Variants in TPST1 observed in about 807,000 individuals in gnomAD.
The protein encoded by TPST1 is tyrosylprotein sulfotransferase 1.
Under a neutral mutation model 34.8 loss-of-function variants are expected in TPST1, and 20 were observed. The observed-to-expected ratio is 0.57, with a 90% CI of 0.40 to 0.84. The LOEUF (loss-of-function observed/expected upper bound fraction) is 0.84. Among genes scored for constraint, TPST1 ranks in the 40% least tolerant of loss-of-function variants. The pLI, the probability that TPST1 is intolerant of heterozygous loss-of-function variation, is 0.00. For missense variants in TPST1, 353 were observed against 455.5 expected (o/e 0.78, Z 2.05); for synonymous variants, 152 against 159.4 (o/e 0.95, Z 0.35).
chr7:66,319,838 C>T (rs1271545425), intron 3 of TPST1, among the ~76,000 whole-genome samples: 2 of 152,302 alleles, frequency 1.3e-5, no homozygotes, highest in Admixed American at 1.3e-4. Flanking sequence ...CAGTAGCTTT[C>T]TGTTTTCCCA....
upstream of TPST1, among the ~76,000 whole-genome samples, chr7:66,203,640 C>T (rs1789061554): frequency 6.6e-6 from 1 of 151,942 alleles, no homozygotes; most frequent in Admixed American, 6.6e-5. Flanking sequence ...CGCCAGCCAC[C>T]ATGCCTGGCT....
intron 2 of TPST1, among the ~76,000 whole-genome samples, chr7:66,245,401 T>A (rs1335600399): frequency 3.3e-5 from 5 of 152,202 alleles, no homozygotes; most frequent in Non-Finnish European, 7.3e-5. Context: ...TGGCTAAATT[T>A]ACCTGATAGG....
At chr7:66,271,697 G>A (rs1055748801) in intron 2 of TPST1, among the ~76,000 whole-genome samples, 2 of 152,118 alleles carry the variant, frequency 1.3e-5, no homozygotes, top group African/African-American at 4.8e-5. Flanking sequence ...ACAAATGGCA[G>A]TGTCTCCTTT....
At chr7:66,353,049 TCA>T in intron 4 of TPST1, 1 of 973,584 alleles carries the variant, frequency 1.0e-6, no homozygotes, top group Non-Finnish European at 1.2e-6. Context: ...GCATGGTGGC[TCA>T]TGCCTGTAAT....
chr7:66,334,862 A>G (rs1792064386), intron 3 of TPST1, among the ~76,000 whole-genome samples: 1 of 152,106 alleles, frequency 6.6e-6, no homozygotes, highest in Admixed American at 6.5e-5. Flanking sequence ...GTGTGTATTC[A>G]GTCTCCTCAC....
At chr7:66,244,723 C>T (rs188571437) in intron 2 of TPST1, among the ~76,000 whole-genome samples, 5 of 152,164 alleles carry the variant, frequency 3.3e-5, no homozygotes, top group East Asian at 3.9e-4. Flanking sequence ...CATGAAATTA[C>T]GTGGAACAAA....
At chr7:66,210,479 A>G (rs1007678649) in intron 1 of TPST1, among the ~76,000 whole-genome samples, 5 of 152,202 alleles carry the variant, frequency 3.3e-5, no homozygotes, top group African/African-American at 1.2e-4. Flanking sequence ...GGGAGCTTTT[A>G]AAGAATGAGG....
intron 3 of TPST1, among the ~76,000 whole-genome samples, chr7:66,323,458 T>C (rs758061893): frequency 4.6e-5 from 7 of 152,220 alleles, no homozygotes; most frequent in Non-Finnish European, 1.0e-4. Flanking sequence ...TTTTTTTCTG[T>C]GTGTATTGAG....
At chr7:66,346,086 C>T (rs981117505) in intron 3 of TPST1, among the ~76,000 whole-genome samples, 5 of 151,396 alleles carry the variant, frequency 3.3e-5, no homozygotes, top group Non-Finnish European at 5.9e-5. Context: ...TAAAGTTTGT[C>T]TTTCTATACC....
intron 2 of TPST1, among the ~76,000 whole-genome samples, chr7:66,257,229 A>C (rs1790399498): frequency 6.6e-6 from 1 of 152,188 alleles, no homozygotes; most frequent in African/African-American, 2.4e-5. Flanking sequence ...GCACCTGGCC[A>C]AAGTTTTTAA....
At chr7:66,307,655 G>A (rs912103647) in intron 3 of TPST1, among the ~76,000 whole-genome samples, 1 of 152,168 alleles carries the variant, frequency 6.6e-6, no homozygotes, top group South Asian at 2.1e-4. Context: ...CTTTATTGGG[G>A]CACCATTGTT....
At chr7:66,217,751 AT>A (rs1265843298) in intron 1 of TPST1, among the ~76,000 whole-genome samples, 1 of 151,328 alleles carries the variant, frequency 6.6e-6, no homozygotes, top group Non-Finnish European at 1.5e-5. Context: ...TGCCTGGCTA[AT>A]TTTTTGTATT....
chr7:66,223,458 CAAAAAAAAAAAA>C (rs34400889), intron 1 of TPST1, among the ~76,000 whole-genome samples: 1 of 59,246 alleles, frequency 1.7e-5, no homozygotes, highest in African/African-American at 6.9e-5. Context: ...GACCCTGTCT[CAAAAAAAAAAAA>C]AAAAAAAAAA....
upstream of TPST1, among the ~76,000 whole-genome samples, chr7:66,202,027 A>C (rs1789039916): frequency 6.6e-6 from 1 of 152,116 alleles, no homozygotes; most frequent in Non-Finnish European, 1.5e-5. Context: ...ATCTTTCTTG[A>C]TATTTCCTCT....
chr7:66,204,226 G>A (rs903745867), upstream of TPST1, among the ~76,000 whole-genome samples: 6 of 152,066 alleles, frequency 3.9e-5, no homozygotes, highest in Non-Finnish European at 7.4e-5. Flanking sequence ...GCCGTAACAA[G>A]GAATGAAGTG....
intron 1 of TPST1, among the ~76,000 whole-genome samples, chr7:66,239,192 G>C (rs1789974417): frequency 6.6e-6 from 1 of 152,112 alleles, no homozygotes; most frequent in Admixed American, 6.6e-5. Flanking sequence ...CTCAGTGTGG[G>C]CTGGTCTCGA....
At chr7:66,283,665 C>A (rs954639478) in intron 2 of TPST1, among the ~76,000 whole-genome samples, 3 of 152,142 alleles carry the variant, frequency 2.0e-5, no homozygotes, top group Non-Finnish European at 2.9e-5. Context: ...GCAGGCCAGA[C>A]AAAAACAGGC....
chr7:66,232,698 G>T lies in TPST1; in HGVS notation c.-101-7627G>T, dbSNP rs541350156. On this transcript the variant is annotated intron_variant, in intron 1 of 5. Coordinates refer to ENST00000304842, the MANE Select transcript of TPST1 (RefSeq NM_003596.4). ...TTAAATTATTTTTTGTAGAGATGAG[G>T]TCTCATACTGTGTTGCCCATGCTTG... Among the ~76,000 whole-genome samples the T allele has an allele frequency of 5.2e-4, 79 of 152,234 alleles. 1 individual carries two copies. In the South Asian group the frequency reaches 0.016, roughly 31 times the overall value.
intron 1 of TPST1, among the ~76,000 whole-genome samples, chr7:66,219,173 C>A (rs577555568): frequency 1.3e-5 from 2 of 151,176 alleles, no homozygotes; most frequent in African/African-American, 4.9e-5. Context: ...GCTGGGATTA[C>A]AGGCATGAGC....
Sources: gnomAD v4.1 joint callset for allele counts (sites outside exome capture counted in the v4.1 genomes callset) on GRCh38, gnomAD v4.1.1 for gene constraint, MANE v1.5 for transcripts, NCBI Gene and HGNC (gene_info 2026-07-23, HGNC 2026-07-21) for gene names.